The following MAP4K4 variants were observed in gnomAD, a reference collection of about 807,000 sequenced individuals.
MAP4K4 encodes the protein mitogen-activated protein kinase kinase kinase kinase 4.
In MAP4K4, 38 loss-of-function variants were observed where a neutral mutation model predicts 189.6. The ratio of observed to expected loss-of-function variants is 0.20; its 90% CI spans 0.15 to 0.26. The LOEUF is 0.26. Among genes scored for constraint, MAP4K4 ranks in the 10% least tolerant of loss-of-function variants. MAP4K4 has a pLI of 1.00. For synonymous variants in MAP4K4, 610 were observed against 624.3 expected (o/e 0.98, Z 0.34); for missense variants, 1,054 against 1,726.9 (o/e 0.61, Z 6.91).
intron 2 of MAP4K4, among the ~76,000 whole-genome samples, chr2:101,765,627 A>G (rs1259260774): frequency 6.6e-6 from 1 of 152,236 alleles, no homozygotes; most frequent in Non-Finnish European, 1.5e-5. Context: ...GCCTGTACTT[A>G]GAAATGAAGT....
intron 2 of MAP4K4, among the ~76,000 whole-genome samples, chr2:101,785,546 A>G (rs1313768504): frequency 6.6e-6 from 1 of 152,242 alleles, no homozygotes; most frequent in Non-Finnish European, 1.5e-5. Flanking sequence ...ATATTTAATC[A>G]TCAAATGTGT....
At chr2:101,724,337 C>T (rs2149483073) in intron 2 of MAP4K4, among the ~76,000 whole-genome samples, 1 of 152,272 alleles carries the variant, frequency 6.6e-6, no homozygotes, top group East Asian at 1.9e-4. Flanking sequence ...AGTAGTAGTA[C>T]ACTGGCAGGA....
intron 2 of MAP4K4, among the ~76,000 whole-genome samples, chr2:101,734,975 G>A (rs2059801427): frequency 6.6e-6 from 1 of 152,164 alleles, no homozygotes; most frequent in African/African-American, 2.4e-5. Context: ...GTTTTGACTT[G>A]TTCATGAGCA....
At chr2:101,884,163 T>C (rs2098448524) in intron 28 of MAP4K4, among the ~76,000 whole-genome samples, 2 of 152,146 alleles carry the variant, frequency 1.3e-5, no homozygotes, top group African/African-American at 4.8e-5. Context: ...GTGGGTAATA[T>C]CATTCATTCG....
chr2:101,878,163 T>G (rs2098270197), intron 27 of MAP4K4, among the ~76,000 whole-genome samples: 1 of 152,248 alleles, frequency 6.6e-6, no homozygotes, highest in Non-Finnish European at 1.5e-5. Context: ...GATCATATCT[T>G]TTAACTTTTA....
intron 21 of MAP4K4, 114 bp downstream of exon 21, chr2:101,868,151 T>G: frequency 8.4e-7 from 1 of 1,187,352 alleles, no homozygotes; most frequent in Non-Finnish European, 1.2e-6. Flanking sequence ...TCTTGTTCTT[T>G]TCTAGAATTT....
chr2:101,708,984 G>A (rs1164857664), intron 2 of MAP4K4, among the ~76,000 whole-genome samples: 1 of 152,114 alleles, frequency 6.6e-6, no homozygotes, highest in Non-Finnish European at 1.5e-5. Flanking sequence ...TTCACCAATT[G>A]ATAGGCATGA....
At chr2:101,795,634 C>T (rs2093607175) in intron 3 of MAP4K4, among the ~76,000 whole-genome samples, 1 of 152,094 alleles carries the variant, frequency 6.6e-6, no homozygotes, top group African/African-American at 2.4e-5. Flanking sequence ...TCTGAGGAGC[C>T]TTAGTTCTGT....
rs892648267 is a variant in MAP4K4, at chr2:101,859,565, T to A, written c.1483-78T>A. Reference sequence around the variant, plus strand: ...AGGGAAAATATATGGTCACTTTTTTTAAAAGCCGAACAAATCCAGAGAAGA... The same window carrying A: ...AGGGAAAATATATGGTCACTTTTTTAAAAAGCCGAACAAATCCAGAGAAGA... On this transcript the variant is annotated intron_variant, in intron 14 of 32. Coordinates refer to ENST00000324219, the Ensembl canonical transcript of MAP4K4. The A allele has an allele frequency of 1.9e-5, 22 of 1,157,004 alleles. No individual in the cohort carries two copies. In the Admixed American group the frequency reaches 2.2e-4, roughly 12 times the overall value. The allele number at this position is 1,157,004 out of a possible 1,614,324, so 71.7% of individuals were successfully genotyped here. A position where few individuals can be genotyped will look rare whatever the true frequency, so the allele number is the denominator to read the frequency against.
At chr2:101,863,950 C>T (rs370107925) in exon 17 of MAP4K4, 46 of 1,367,518 alleles carry the variant, frequency 3.4e-5, no homozygotes, top group South Asian at 1.2e-4. Context: ...TCCACCTTCC[C>T]GCAGTGAGGT....
At chr2:101,728,906 T>C (rs561890792) in intron 2 of MAP4K4, among the ~76,000 whole-genome samples, 57 of 152,324 alleles carry the variant, frequency 3.7e-4, no homozygotes, top group African/African-American at 1.4e-3. Flanking sequence ...GAAACTGATT[T>C]ATATTCAGAA....
chr2:101,880,749 C>T (rs905733095), intron 27 of MAP4K4, among the ~76,000 whole-genome samples: 2 of 152,086 alleles, frequency 1.3e-5, no homozygotes, highest in African/African-American at 2.4e-5. Context: ...CCTCATGATC[C>T]GCCCATCTCT....
chr2:101,727,488 A>G (rs1354529873), intron 2 of MAP4K4, among the ~76,000 whole-genome samples: 2 of 152,272 alleles, frequency 1.3e-5, no homozygotes, highest in Non-Finnish European at 2.9e-5. Flanking sequence ...GATAAAGCCA[A>G]TAATATCTGA....
chr2:101,750,645 A>C (rs1363184740), intron 2 of MAP4K4, among the ~76,000 whole-genome samples: 5 of 151,142 alleles, frequency 3.3e-5, no homozygotes, highest in African/African-American at 1.2e-4. Flanking sequence ...ATGTACCCTA[A>C]AACTTAAAGT....
chr2:101,802,880 G>A (rs941164622), intron 3 of MAP4K4, among the ~76,000 whole-genome samples: 1 of 152,006 alleles, frequency 6.6e-6, no homozygotes, highest in African/African-American at 2.4e-5. Context: ...CTGCCTCCTG[G>A]GTTCAAGTGA....
intron 2 of MAP4K4, among the ~76,000 whole-genome samples, chr2:101,760,213 G>A (rs896419464): frequency 5.3e-5 from 8 of 151,720 alleles, no homozygotes; most frequent in African/African-American, 1.5e-4. Context: ...TTTATAGGCC[G>A]GGTGTGGGGG....
At chr2:101,770,862 C>G (rs1037474441) in intron 2 of MAP4K4, among the ~76,000 whole-genome samples, 1 of 152,102 alleles carries the variant, frequency 6.6e-6, no homozygotes, top group African/African-American at 2.4e-5. Context: ...CACCAGATGG[C>G]GCTAAATTGT....
chr2:101,801,267 A>G (rs945381291), intron 3 of MAP4K4, among the ~76,000 whole-genome samples: 27 of 152,208 alleles, frequency 1.8e-4, no homozygotes, highest in Non-Finnish European at 7.3e-5. Context: ...CGATTCCAGC[A>G]CATAGATGTA....
At chr2:101,818,776 A>G (rs2095866560) in intron 3 of MAP4K4, among the ~76,000 whole-genome samples, 1 of 151,872 alleles carries the variant, frequency 6.6e-6, no homozygotes. Flanking sequence ...TCTCCTAGTC[A>G]GGTCCTGGCC....
Sources: allele counts gnomAD v4.1 joint callset (sites outside exome capture counted in the v4.1 genomes callset), GRCh38; gene constraint gnomAD v4.1.1; transcripts MANE v1.5; gene names NCBI Gene and HGNC (gene_info 2026-07-23, HGNC 2026-07-21).